The following TSPAN18 variants were observed in gnomAD, a reference collection of about 807,000 sequenced individuals.
The protein encoded by TSPAN18 is tetraspanin 18.
TSPAN18 carries 14 observed loss-of-function variants against 27.3 expected under a neutral mutation model. That is an observed-to-expected ratio of 0.51 (90% CI 0.34 to 0.80). TSPAN18 has a LOEUF of 0.80. TSPAN18 is among the 30% of genes least tolerant of loss of function. The probability of loss-of-function intolerance (pLI) is 0.01; values close to 1 mark genes in which losing one functional copy is unlikely to be tolerated. For synonymous variants in TSPAN18, 143 were observed against 136.5 expected, an observed-to-expected ratio of 1.05 and a Z score of -0.33; for missense variants, 268 against 323.9, an observed-to-expected ratio of 0.83 and a Z score of 1.32.
At position 44,909,883 on chromosome 11, in the gene TSPAN18, AG is replaced by A. The variant is rs1413648167; in HGVS notation, c.243del (p.Lys81AsnfsTer12). The A allele has an allele frequency of 6.2e-7, 1 of 1,613,026 alleles. No homozygotes were observed. On this transcript the variant is annotated frameshift_variant, in exon 5 of 10. Coordinates refer to ENST00000520358, the MANE Select transcript of TSPAN18 (RefSeq NM_130783.5). LOFTEE classifies it high-confidence loss of function. ...LGCCGAVREN[K>X]CLLLFFFLFI... ...TGCTGCGGGGCCGTCCGTGAGAACA[AG>A]TGTCTGCTGCTATTTGTGAGTACCC...
chr11:44,748,977 A>G (rs1430976679), intron 1 of TSPAN18, among the ~76,000 whole-genome samples: 1 of 152,026 alleles, frequency 6.6e-6, no homozygotes, highest in African/African-American at 2.4e-5. Flanking sequence ...GTGTGGATCC[A>G]TTCCCATTTT....
intron 3 of TSPAN18, among the ~76,000 whole-genome samples, chr11:44,888,525 G>C (rs1458456641): frequency 6.6e-6 from 1 of 152,104 alleles, no homozygotes; most frequent in African/African-American, 2.4e-5. Flanking sequence ...ATCACCAAAG[G>C]GTTTATAATC....
intron 1 of TSPAN18, among the ~76,000 whole-genome samples, chr11:44,747,977 A>G (rs909331420): frequency 6.6e-6 from 1 of 152,228 alleles, no homozygotes; most frequent in Non-Finnish European, 1.5e-5. Context: ...CTGCAGGGTC[A>G]GAAGACTTCG....
intron 2 of TSPAN18, among the ~76,000 whole-genome samples, chr11:44,771,880 C>T (rs566023736): frequency 9.9e-5 from 15 of 152,260 alleles, no homozygotes; most frequent in Middle Eastern, 3.4e-3. Flanking sequence ...TGGATACCTC[C>T]GTGGATTCTA....
Position 44,909,722 on chromosome 11 carries a change from G to C in TSPAN18, c.81G>C (p.Leu27=), listed in dbSNP as rs762199293. ...NFFIFLGGAC[L]LAIGIWVMVD... ...CCGAGCAGCTGGGCGGGGCCTGCCT[G>C]CTGGCCATCGGCATCTGGGTCATGG... The change falls in exon 5 of 10, where the codon CTG becomes CTC. Residue 27 remains leucine, a synonymous_variant. Coordinates refer to ENST00000520358, the MANE Select transcript of TSPAN18 (RefSeq NM_130783.5). 7 of 1,611,484 alleles carry C rather than the reference G, an allele frequency of 4.3e-6. No individual in the cohort carries two copies. In the Admixed American group the frequency reaches 1.2e-4, roughly 27 times the overall value.
At chr11:44,898,969 A>G (rs923055560) in intron 3 of TSPAN18, among the ~76,000 whole-genome samples, 1 of 152,236 alleles carries the variant, frequency 6.6e-6, no homozygotes, top group Non-Finnish European at 1.5e-5. Flanking sequence ...TTAGACACCC[A>G]TCTGTAAGCA....
rs138696441 is a variant in TSPAN18 at position 44,786,656 on chromosome 11, G to C, written c.-153+22144G>C. 4.6e-3 allele frequency among the ~76,000 whole-genome samples: 663 copies of C among 143,544 alleles called. 4 individuals are homozygous for C. Among genetic ancestry groups the C allele is most frequent in the African/African-American group, 0.017 (638 of 38,622 alleles). 94.2% of individuals were successfully genotyped at this position (143,544 alleles called of 152,430 possible). ...TTTTTTTTTTTTTTTTTTAAAGACA[G>C]AGTTTCACTCTGTTGCCCAGGCTGT... is the stretch of plus-strand genomic sequence containing the variant. On this transcript the variant is annotated intron_variant, in intron 2 of 9. Transcript: ENST00000520358.
At chr11:44,866,425 GCC>G (rs983722043) in intron 3 of TSPAN18, among the ~76,000 whole-genome samples, 1 of 152,186 alleles carries the variant, frequency 6.6e-6, no homozygotes, top group African/African-American at 2.4e-5. Context: ...CTGGACTTGA[GCC>G]CACACAGGGG....
chr11:44,851,478 T>C (rs1335995675), intron 2 of TSPAN18, among the ~76,000 whole-genome samples: 1 of 151,816 alleles, frequency 6.6e-6, no homozygotes, highest in Non-Finnish European at 1.5e-5. Flanking sequence ...TTCTGGAGAG[T>C]GGACTTCAGA....
chr11:44,851,623 C>CCCG (rs1554991801), intron 2 of TSPAN18, among the ~76,000 whole-genome samples: 7 of 148,484 alleles, frequency 4.7e-5, no homozygotes, highest in Non-Finnish European at 6.0e-5. Context: ...CCTCCCCCCC[C>CCCG]CAACGGCTGG....
chr11:44,928,554 G>A (rs1053056605), intron 9 of TSPAN18, among the ~76,000 whole-genome samples: 3 of 152,186 alleles, frequency 2.0e-5, no homozygotes, highest in South Asian at 2.1e-4. Context: ...TTGGGAGGCC[G>A]AGGCAGGCAG....
At chr11:44,867,721 G>A (rs768555286) in intron 3 of TSPAN18, among the ~76,000 whole-genome samples, 1 of 152,076 alleles carries the variant, frequency 6.6e-6, no homozygotes, top group Non-Finnish European at 1.5e-5. Context: ...TTTTAAAAGG[G>A]GACAAAGGAG....
chr11:44,765,144 C>T (rs940498372), intron 2 of TSPAN18, among the ~76,000 whole-genome samples: 1 of 152,174 alleles, frequency 6.6e-6, no homozygotes, highest in Non-Finnish European at 1.5e-5. Flanking sequence ...CTCTGAGCAG[C>T]CTCAGCCACC....
intron 2 of TSPAN18, among the ~76,000 whole-genome samples, chr11:44,799,066 T>A (rs1487472797): frequency 1.2e-5 from 1 of 84,986 alleles, no homozygotes; most frequent in Non-Finnish European, 2.3e-5. Context: ...ACCCTTGCCC[T>A]CCCTTGTTTT....
At chr11:44,794,876 C>T (rs1856312990) in intron 2 of TSPAN18, among the ~76,000 whole-genome samples, 1 of 152,150 alleles carries the variant, frequency 6.6e-6, no homozygotes, top group South Asian at 2.1e-4. Context: ...ACTAACAGTG[C>T]TCAGCACAGT....
At chr11:44,846,060 T>C (rs1394161692) in intron 2 of TSPAN18, among the ~76,000 whole-genome samples, 2 of 152,250 alleles carry the variant, frequency 1.3e-5, no homozygotes, top group African/African-American at 2.4e-5. Context: ...GAACCTTTCT[T>C]TACTGTGTGC....
rs138137085 is a variant in TSPAN18, at chr11:44,819,613, C to T, written c.-152-40715C>T. ...TAGACGCTCATGCTGCTCTTGGGCA[C>T]GGCAGTGGAAGTAATTATCATGATT... On this transcript the variant is annotated intron_variant, in intron 2 of 9. Transcript: ENST00000520358. Among the ~76,000 whole-genome samples, 38 of 152,114 alleles carry T rather than the reference C, an allele frequency of 2.5e-4. 1 individual carries two copies. The East Asian group carries it at 3.9e-3, about 15-fold the overall frequency.
chr11:44,817,172 G>A (rs536774108), intron 2 of TSPAN18, among the ~76,000 whole-genome samples: 2 of 152,346 alleles, frequency 1.3e-5, no homozygotes, highest in East Asian at 1.9e-4. Flanking sequence ...TGGCATGCAC[G>A]GTGGGCCATC....
chr11:44,795,878 T>C (rs1005714616), intron 2 of TSPAN18, among the ~76,000 whole-genome samples: 4 of 152,096 alleles, frequency 2.6e-5, no homozygotes, highest in African/African-American at 9.7e-5. Context: ...GATCTGGGAC[T>C]AGCCAGGGCT....
Sources: gnomAD v4.1 joint callset for allele counts (sites outside exome capture counted in the v4.1 genomes callset) on GRCh38, gnomAD v4.1.1 for gene constraint, MANE v1.5 for transcripts, NCBI Gene and HGNC (gene_info 2026-07-23, HGNC 2026-07-21) for gene names.